The following PLCB1 variants were observed in gnomAD, a reference collection of about 807,000 sequenced individuals.
PLCB1 encodes the protein phospholipase C beta 1, also known as 1-phosphatidylinositol 4,5-bisphosphate phosphodiesterase beta-1.
PLCB1 carries 46 observed loss-of-function variants against 161.8 expected under a neutral mutation model. That is an observed-to-expected ratio of 0.28 (90% CI 0.22 to 0.36). The LOEUF (loss-of-function observed/expected upper bound fraction) is 0.36. PLCB1 is among the 10% of genes least tolerant of loss of function. PLCB1 has a pLI of 1.00. For missense variants in PLCB1, 1,016 were observed against 1,472.5 expected (o/e 0.69, Z 5.07); for synonymous variants, 517 against 503.7 (o/e 1.03, Z -0.35).
intron 2 of PLCB1, among the ~76,000 whole-genome samples, chr20:8,278,325 T>C (rs1982694297): frequency 1.1e-5 from 1 of 87,092 alleles, no homozygotes; most frequent in Admixed American, 1.3e-4. Context: ...ATTTATATAA[T>C]GCATTTATAT....
At chr20:8,861,520 A>G (rs983001249) in intron 31 of PLCB1, among the ~76,000 whole-genome samples, 1 of 152,190 alleles carries the variant, frequency 6.6e-6, no homozygotes, top group Non-Finnish European at 1.5e-5. Flanking sequence ...TCACGAGGTC[A>G]AGAGATTGAG....
intron 13 of PLCB1, among the ~76,000 whole-genome samples, chr20:8,717,007 G>A (rs968592473): frequency 1.3e-5 from 2 of 152,184 alleles, no homozygotes; most frequent in African/African-American, 4.8e-5. Flanking sequence ...CTTGTGGCTT[G>A]CACACATGCT....
At chr20:8,152,614 C>G (rs553358807) in intron 2 of PLCB1, among the ~76,000 whole-genome samples, 5 of 151,980 alleles carry the variant, frequency 3.3e-5, no homozygotes, top group African/African-American at 9.7e-5. Flanking sequence ...CCACATGTAC[C>G]ATAGAGATAA....
In PLCB1 at chr20:8,816,608, G is replaced by T. The variant is rs146861718; in HGVS notation, c.3423+26347G>T. ...TTTTCTAAAAGGCAAAACAAATTCT[G>T]TTCTTTCTATAAGCATATATATGAA... On this transcript the variant is annotated intron_variant, in intron 31 of 31. Coordinates refer to ENST00000338037, the MANE Select transcript of PLCB1 (RefSeq NM_015192.4). 9.2e-5 allele frequency among the ~76,000 whole-genome samples: 14 copies of T among 152,222 alleles called. No homozygotes were observed. The South Asian group carries it at 1.7e-3, about 18-fold the overall frequency.
At chr20:8,452,378 G>T (rs888762405) in intron 3 of PLCB1, among the ~76,000 whole-genome samples, 2 of 152,170 alleles carry the variant, frequency 1.3e-5, no homozygotes, top group Non-Finnish European at 2.9e-5. Flanking sequence ...ATGCAACATG[G>T]TCTACTGGAA....
At chr20:8,255,101 G>A (rs939730561) in intron 2 of PLCB1, among the ~76,000 whole-genome samples, 23 of 152,026 alleles carry the variant, frequency 1.5e-4, no homozygotes, top group Admixed American at 1.1e-3. Context: ...AACATTTTCC[G>A]ATGACCATGA....
At chr20:8,463,827 C>T (rs1281166675) in intron 3 of PLCB1, among the ~76,000 whole-genome samples, 1 of 152,160 alleles carries the variant, frequency 6.6e-6, no homozygotes, top group Non-Finnish European at 1.5e-5. Flanking sequence ...CCTTCCTAAA[C>T]CACACACATT....
intron 2 of PLCB1, among the ~76,000 whole-genome samples, chr20:8,324,593 T>TGG (rs1394082290): frequency 2.0e-5 from 3 of 152,336 alleles, no homozygotes; most frequent in East Asian, 3.9e-4. Context: ...CAAGGGTCCT[T>TGG]GGAACCTGGG....
chr20:8,826,495 C>CAAAAA (rs5840291), intron 31 of PLCB1, among the ~76,000 whole-genome samples: 1 of 123,092 alleles, frequency 8.1e-6, no homozygotes, highest in Admixed American at 7.9e-5. Context: ...GACTCCGTCT[C>CAAAAA]AAAAAAAAAA....
At chr20:8,543,484 C>T (rs1360322975) in intron 3 of PLCB1, among the ~76,000 whole-genome samples, 2 of 151,992 alleles carry the variant, frequency 1.3e-5, no homozygotes, top group Non-Finnish European at 2.9e-5. Context: ...GCACAAGAAA[C>T]TTTTAAGGGT....
intron 2 of PLCB1, among the ~76,000 whole-genome samples, chr20:8,189,342 A>T (rs1179216014): frequency 7.1e-6 from 1 of 141,070 alleles, no homozygotes. Context: ...TATATATATA[A>T]AACATAATAT....
intron 2 of PLCB1, among the ~76,000 whole-genome samples, chr20:8,276,064 G>T (rs1372631120): frequency 6.6e-6 from 1 of 152,060 alleles, no homozygotes; most frequent in East Asian, 1.9e-4. Flanking sequence ...GGAACATTCA[G>T]ATAAGATGCA....
chr20:8,189,966 T>C (rs1315908434), intron 2 of PLCB1, among the ~76,000 whole-genome samples: 1 of 152,194 alleles, frequency 6.6e-6, no homozygotes, highest in East Asian at 1.9e-4. Context: ...GTCCAAGATT[T>C]AAGGTTATGA....
intron 2 of PLCB1, among the ~76,000 whole-genome samples, chr20:8,270,814 G>C (rs562098770): frequency 6.6e-6 from 1 of 151,968 alleles, no homozygotes; most frequent in African/African-American, 2.4e-5. Flanking sequence ...GCTTATTTCT[G>C]TCAATAGGGT....
intron 3 of PLCB1, among the ~76,000 whole-genome samples, chr20:8,544,786 C>T (rs1231924114): frequency 6.6e-6 from 1 of 152,130 alleles, no homozygotes; most frequent in Non-Finnish European, 1.5e-5. Context: ...CAAATGGGAC[C>T]AGCACCCACA....
chr20:8,527,936 A>G (rs1432928465), intron 3 of PLCB1, among the ~76,000 whole-genome samples: 2 of 152,130 alleles, frequency 1.3e-5, no homozygotes, highest in African/African-American at 2.4e-5. Flanking sequence ...TTCCAGTAAC[A>G]GATAAAATAT....
intron 2 of PLCB1, among the ~76,000 whole-genome samples, chr20:8,223,783 T>A (rs997643156): frequency 6.6e-6 from 1 of 152,172 alleles, no homozygotes; most frequent in Non-Finnish European, 1.5e-5. Flanking sequence ...GTTTTAAAAA[T>A]GAATTTCCCC....
chr20:8,725,117 G>A (rs1285718410), intron 16 of PLCB1, among the ~76,000 whole-genome samples: 1 of 152,048 alleles, frequency 6.6e-6, no homozygotes, highest in East Asian at 1.9e-4. Context: ...TGATAATGTT[G>A]AAATAAACTA....
intron 3 of PLCB1, among the ~76,000 whole-genome samples, chr20:8,624,755 A>G (rs572753099): frequency 6.6e-6 from 1 of 152,308 alleles, no homozygotes; most frequent in South Asian, 2.1e-4. Flanking sequence ...TTAATCACAA[A>G]TCCTGATGAT....
Sources: allele counts gnomAD v4.1 joint callset (sites outside exome capture counted in the v4.1 genomes callset), GRCh38; gene constraint gnomAD v4.1.1; transcripts MANE v1.5; gene names NCBI Gene and HGNC (gene_info 2026-07-23, HGNC 2026-07-21).